The following COL23A1 variants were observed in gnomAD, a reference collection of about 807,000 sequenced individuals.
COL23A1 encodes the protein collagen alpha-1(XXIII) chain.
A neutral mutation model predicts 99.3 loss-of-function variants in COL23A1; 97 were observed. That is an observed-to-expected ratio of 0.98 (90% CI 0.83 to 1.16). The LOEUF (loss-of-function observed/expected upper bound fraction) is 1.16. Among genes scored for constraint, COL23A1 ranks in the 50% most tolerant of loss-of-function variants. The pLI is 0.00. For synonymous variants in COL23A1, 320 were observed against 308.2 expected (o/e 1.04, Z -0.40); for missense variants, 762 against 757.4 (o/e 1.01, Z -0.07).
intron 3 of COL23A1, among the ~76,000 whole-genome samples, chr5:178,293,236 G>C (rs76980921): frequency 3.3e-5 from 5 of 151,918 alleles, no homozygotes; most frequent in Admixed American, 6.6e-5. Flanking sequence ...GATTCGGTGT[G>C]GGGGAGGAGG....
rs1367247198 is a variant in COL23A1 at position 178,434,069 on chromosome 5, G to A, written c.361+126613C>T. ...AGCCTCCGGGCCTGAGAAAATAAAT[G>A]TCCATTGTTGATGCCATCCCAACTG... On this transcript the variant is annotated intron_variant, in intron 2 of 28. Transcript: ENST00000390654. This position sits in a 1 kb window ranked among gnomAD's most constrained non-coding sequence, Gnocchi z 4.3. Among the ~76,000 whole-genome samples the A allele has an allele frequency of 1.3e-5, 2 of 152,182 alleles. No individual in the cohort carries two copies. Among genetic ancestry groups the A allele is most frequent in the Non-Finnish European group, 2.9e-5 (2 of 68,036 alleles).
At chr5:178,247,959 C>T (rs2127533473) in intron 20 of COL23A1, 128 bp from the exon 21 acceptor site, 1 of 856,264 alleles carries the variant, frequency 1.2e-6, no homozygotes, top group East Asian at 2.6e-5. Flanking sequence ...GTCTGGTGAG[C>T]AGGTGGCAGC....
intron 2 of COL23A1, among the ~76,000 whole-genome samples, chr5:178,467,941 C>T (rs73803413): frequency 2.6e-5 from 4 of 152,220 alleles, no homozygotes; most frequent in East Asian, 1.9e-4. Context: ...GAGGCGTTAG[C>T]GACACACGGG....
chr5:178,578,795 C>G (rs1051411067), intron 1 of COL23A1, among the ~76,000 whole-genome samples: 5 of 151,488 alleles, frequency 3.3e-5, no homozygotes, highest in Non-Finnish European at 7.4e-5. Context: ...CGCCGTGTTG[C>G]CGCCATACCG....
intron 2 of COL23A1, among the ~76,000 whole-genome samples, chr5:178,488,502 C>T (rs1003593439): frequency 1.1e-4 from 16 of 152,152 alleles, no homozygotes; most frequent in Admixed American, 6.5e-4. Context: ...TCACCGCCAC[C>T]GCCATCAGAC....
intron 2 of COL23A1, among the ~76,000 whole-genome samples, chr5:178,323,882 C>T (rs796827662): frequency 2.6e-5 from 4 of 152,252 alleles, no homozygotes; most frequent in South Asian, 2.1e-4. Flanking sequence ...AAAAGAGGCT[C>T]ACAGAGAAGT....
At chr5:178,330,548 G>C (rs987010335) in intron 2 of COL23A1, among the ~76,000 whole-genome samples, 3 of 152,046 alleles carry the variant, frequency 2.0e-5, no homozygotes, top group Non-Finnish European at 4.4e-5. Context: ...CAGCTACTTT[G>C]GAGGCTGAGG....
At chr5:178,564,190 G>T (rs1211111189) in intron 1 of COL23A1, among the ~76,000 whole-genome samples, 1 of 152,124 alleles carries the variant, frequency 6.6e-6, no homozygotes, top group African/African-American at 2.4e-5. Flanking sequence ...GTTAATGCTA[G>T]CGGCGGGATC....
chr5:178,323,494 G>T (rs1759462181), intron 2 of COL23A1, among the ~76,000 whole-genome samples: 1 of 152,096 alleles, frequency 6.6e-6, no homozygotes, highest in South Asian at 2.1e-4. Flanking sequence ...TCCTCCCTAG[G>T]TCCTGTGCTG....
At chr5:178,460,227 C>T (rs559504446) in intron 2 of COL23A1, among the ~76,000 whole-genome samples, 96 of 152,264 alleles carry the variant, frequency 6.3e-4, no homozygotes, top group African/African-American at 2.2e-3. Flanking sequence ...ATCAACTAAA[C>T]AATTCACAGC....
chr5:178,305,083 A>G (rs1405131943), intron 3 of COL23A1, among the ~76,000 whole-genome samples: 1 of 152,222 alleles, frequency 6.6e-6, no homozygotes, highest in Non-Finnish European at 1.5e-5. Flanking sequence ...ATAAAAGGCA[A>G]TAAAACCCTT....
At chr5:178,555,709 C>T (rs1354697987) in intron 2 of COL23A1, among the ~76,000 whole-genome samples, 1 of 152,232 alleles carries the variant, frequency 6.6e-6, no homozygotes, top group Non-Finnish European at 1.5e-5. Context: ...AGTGGGACCA[C>T]AGGGCAGTTA....
intron 5 of COL23A1, among the ~76,000 whole-genome samples, chr5:178,287,940 T>C (rs1757244512): frequency 6.6e-6 from 1 of 152,234 alleles, no homozygotes; most frequent in African/African-American, 2.4e-5. Context: ...CAGTCTCCTG[T>C]TATCGAGTGA....
intron 2 of COL23A1, among the ~76,000 whole-genome samples, chr5:178,467,030 A>G (rs1756460190): frequency 6.6e-6 from 1 of 152,248 alleles, no homozygotes; most frequent in South Asian, 2.1e-4. Flanking sequence ...ATGTATATAT[A>G]TACGTAAAAT....
rs528096437 is a variant in COL23A1, at chr5:178,316,176, C to G, written c.362-9257G>C. Among the ~76,000 whole-genome samples, 3 of 152,136 alleles carry G rather than the reference C, an allele frequency of 2.0e-5. No individual in the cohort carries two copies. The South Asian group carries it at 6.2e-4, about 32-fold the overall frequency. Reference sequence around the variant, plus strand: ...TATGTTATATCCACTAATACACGTTCGTAATTCGATGATTCTTAGATATTT... The same window carrying G: ...TATGTTATATCCACTAATACACGTTGGTAATTCGATGATTCTTAGATATTT... On this transcript the variant is annotated intron_variant, in intron 2 of 28. Coordinates refer to ENST00000390654, the MANE Select transcript of COL23A1 (RefSeq NM_173465.4).
chr5:178,259,842 TG>T, intron 11 of COL23A1, 95 bp from the exon 12 acceptor site: 1 of 1,193,284 alleles, frequency 8.4e-7, no homozygotes, highest in Admixed American at 2.2e-5. Context: ...GAAGTGGCAC[TG>T]ATGACCCGTG....
At chr5:178,271,487 C>T (rs1756284936) in intron 5 of COL23A1, among the ~76,000 whole-genome samples, 1 of 152,192 alleles carries the variant, frequency 6.6e-6, no homozygotes, top group African/African-American at 2.4e-5. Flanking sequence ...GTCCCTGTTC[C>T]CACCACATAT....
At chr5:178,337,865 T>A (rs572125246) in intron 2 of COL23A1, among the ~76,000 whole-genome samples, 9 of 152,348 alleles carry the variant, frequency 5.9e-5, no homozygotes, top group Non-Finnish European at 1.0e-4. Flanking sequence ...TATTTTATGA[T>A]ATTATACAAT....
At chr5:178,300,571 A>G (rs1757979264) in intron 3 of COL23A1, among the ~76,000 whole-genome samples, 2 of 148,660 alleles carry the variant, frequency 1.3e-5, no homozygotes, top group Non-Finnish European at 3.0e-5. Flanking sequence ...TTTTTTTGAG[A>G]CAGAGTCTCA....
Sources: allele counts gnomAD v4.1 joint callset (sites outside exome capture counted in the v4.1 genomes callset), GRCh38; gene constraint gnomAD v4.1.1; non-coding constraint Gnocchi (gnomAD v3.1); transcripts MANE v1.5; gene names NCBI Gene and HGNC (gene_info 2026-07-23, HGNC 2026-07-21).